The following SUCLA2 variants were observed in gnomAD, a reference collection of about 807,000 sequenced individuals.
SUCLA2 encodes succinate--CoA ligase [ADP-forming] subunit beta, mitochondrial.
SUCLA2 carries 30 observed loss-of-function variants against 54.8 expected under a neutral mutation model. The ratio of observed to expected loss-of-function variants is 0.55; its 90% CI spans 0.41 to 0.74. The LOEUF (loss-of-function observed/expected upper bound fraction) is 0.74, where lower values mean the gene tolerates loss of function less well. SUCLA2 is among the 30% of genes least tolerant of loss of function. SUCLA2 has a pLI of 0.00. For synonymous variants in SUCLA2, 172 were observed against 188.9 expected, an observed-to-expected ratio of 0.91 and a Z score of 0.74; for missense variants, 476 against 562.9, an observed-to-expected ratio of 0.85 and a Z score of 1.56.
intron 4 of SUCLA2, among the ~76,000 whole-genome samples, chr13:47,974,086 A>AT (rs1408676224): frequency 1.9e-5 from 1 of 52,190 alleles, no homozygotes; most frequent in African/African-American, 4.6e-5. Flanking sequence ...TTAAAGTATA[A>AT]TTAAAAAAAA....
chr13:47,977,038 T>C (rs1190240882), intron 4 of SUCLA2, among the ~76,000 whole-genome samples: 1 of 148,758 alleles, frequency 6.7e-6, no homozygotes, highest in Non-Finnish European at 1.5e-5. Context: ...TATTGGCTCA[T>C]TGAAAAAGTG....
intron 2 of SUCLA2, among the ~76,000 whole-genome samples, chr13:47,995,844 T>C (rs1265678005): frequency 2.6e-5 from 4 of 151,836 alleles, no homozygotes; most frequent in Non-Finnish European, 5.9e-5. Flanking sequence ...CAAAAATTAT[T>C]TTTTGATTAA....
At chr13:47,986,299 G>A (rs996619698) in intron 4 of SUCLA2, among the ~76,000 whole-genome samples, 3 of 152,132 alleles carry the variant, frequency 2.0e-5, no homozygotes, top group African/African-American at 7.2e-5. Context: ...CCAAAGTGCT[G>A]GGATTACAGG....
intron 6 of SUCLA2, among the ~76,000 whole-genome samples, 176 bp from the exon 7 acceptor site, chr13:47,954,733 G>C (rs1391746337): frequency 6.6e-6 from 1 of 152,008 alleles, no homozygotes; most frequent in Non-Finnish European, 1.5e-5. Context: ...AAGAATATTT[G>C]GGAATTAAAA....
intron 2 of SUCLA2, among the ~76,000 whole-genome samples, chr13:47,993,729 CTGAGT>C (rs1950168650): frequency 6.6e-6 from 1 of 152,136 alleles, no homozygotes; most frequent in South Asian, 2.1e-4. Flanking sequence ...GAGCAAAGCG[CTGAGT>C]TAAGAGTTTT....
intron 6 of SUCLA2, among the ~76,000 whole-genome samples, chr13:47,963,581 G>C (rs575219901): frequency 6.6e-6 from 1 of 152,036 alleles, no homozygotes; most frequent in African/African-American, 2.4e-5. Flanking sequence ...GGAGGCGGAG[G>C]TTGCAGTGAG....
Position 47,997,038 on chromosome 13 carries a change from G to A in SUCLA2, c.91-15C>T. Reference sequence around the variant, plus strand: ...CTTCCCAGAACCTAGAAAGATTGGGGACATATTTATATATGACAGTGATTT... The same window carrying A: ...CTTCCCAGAACCTAGAAAGATTGGGAACATATTTATATATGACAGTGATTT... On this transcript the variant is annotated splice_polypyrimidine_tract_variant and intron_variant, in intron 1 of 10. Coordinates refer to ENST00000646932, the MANE Select transcript of SUCLA2 (RefSeq NM_003850.3). 3 of 1,613,882 alleles carry A rather than the reference G, an allele frequency of 1.9e-6. No homozygotes were observed. The highest frequency in any genetic ancestry group is 2.5e-6 in the Non-Finnish European group (3 of 1,179,912).
chr13:47,957,408 C>T (rs552424928), intron 6 of SUCLA2, among the ~76,000 whole-genome samples: 1 of 152,244 alleles, frequency 6.6e-6, no homozygotes, highest in East Asian at 1.9e-4. Flanking sequence ...TTGCTTGTGA[C>T]TCAGCTGATG....
chr13:47,970,754 G>A (rs1013463269), intron 5 of SUCLA2, among the ~76,000 whole-genome samples: 3 of 152,126 alleles, frequency 2.0e-5, no homozygotes, highest in Admixed American at 1.3e-4. Context: ...CAGCTACCTG[G>A]GAAGCTGAGG....
chr13:47,979,292 T>C (rs1950042730), intron 4 of SUCLA2, among the ~76,000 whole-genome samples: 1 of 152,162 alleles, frequency 6.6e-6, no homozygotes, highest in Non-Finnish European at 1.5e-5. Flanking sequence ...ATATACACCA[T>C]GGAATACTAT....
chr13:47,973,308 G>T lies in SUCLA2; in HGVS notation c.619C>A (p.Pro207Thr), dbSNP rs1290474374. Reference sequence around the variant, plus strand: ...TTGATGCCTTCTTCAATATCAATAGGTTCTTTAATTATTGCTTCAGGAGAC... The same window carrying T: ...TTGATGCCTTCTTCAATATCAATAGTTTCTTTAATTATTGCTTCAGGAGAC... ...AESPEAIIKEPIDIEEGIKKE... is the reference protein window; with the variant it reads ...AESPEAIIKETIDIEEGIKKE... Residue 207 changes from proline (P) to threonine (T), a missense_variant, in exon 5 of 11, where the codon CCT becomes ACT. Physicochemically the swap from Pro to Thr is conservative, Grantham distance 38. Around this residue, in one of 2 missense-constraint regions of SUCLA2, gnomAD observed 342 missense variants for 444.2 expected, o/e 0.77. Coordinates refer to ENST00000646932, the MANE Select transcript of SUCLA2 (RefSeq NM_003850.3). The T allele has an allele frequency of 6.2e-7, 1 of 1,613,250 alleles. No homozygotes were observed. The highest frequency in any genetic ancestry group is 2.2e-5 in the East Asian group (1 of 44,840).
At chr13:47,984,219 A>G (rs1449185569) in intron 4 of SUCLA2, among the ~76,000 whole-genome samples, 2 of 151,254 alleles carry the variant, frequency 1.3e-5, no homozygotes, top group African/African-American at 4.9e-5. Flanking sequence ...ATTTTGACAC[A>G]GTCTCACTCT....
chr13:47,982,151 T>G (rs1004220366), intron 4 of SUCLA2, among the ~76,000 whole-genome samples: 2 of 152,214 alleles, frequency 1.3e-5, no homozygotes, highest in Non-Finnish European at 2.9e-5. Flanking sequence ...TGAACATCTA[T>G]GTTCACTGTA....
chr13:48,001,258 G>T lies in SUCLA2; in HGVS notation c.12C>A (p.Ser4=). Residue 4 remains serine, a synonymous_variant, in exon 1 of 11, where the codon TCC becomes TCA. Coordinates refer to ENST00000646932, the MANE Select transcript of SUCLA2 (RefSeq NM_003850.3). MAA[S]MFYGRLVAVA... ...CGGCCACTAGCCTGCCGTAGAACAT[G>T]GAGGCCGCCATTTCTGAGTCGGACC... 6.2e-7 allele frequency: 1 copy of T among 1,603,242 alleles called. No homozygotes were observed. Among genetic ancestry groups the T allele is most frequent in the Non-Finnish European group, 8.5e-7 (1 of 1,175,640 alleles).
intron 2 of SUCLA2, among the ~76,000 whole-genome samples, chr13:47,993,375 T>C (rs996274264): frequency 6.6e-6 from 1 of 152,252 alleles, no homozygotes; most frequent in African/African-American, 2.4e-5. Flanking sequence ...ATCCCTTTGA[T>C]AATCTATTCC....
rs1949825387 is a variant in SUCLA2 at position 47,956,846 on chromosome 13, AT to A, written c.803-2290del. The A allele has an allele frequency of 4.6e-5, 7 of 152,326 alleles. No homozygotes were observed. The South Asian group carries it at 1.5e-3, about 32-fold the overall frequency. 9.4% of individuals were successfully genotyped at this position (152,326 alleles called of 1,614,324 possible). A position where few individuals can be genotyped will look rare whatever the true frequency, so the allele number is the denominator to read the frequency against. On this transcript the variant is annotated intron_variant, in intron 6 of 10. Coordinates refer to ENST00000646932, the MANE Select transcript of SUCLA2 (RefSeq NM_003850.3). ...AACAAAAAAATCAACCTACCCTAAA[AT>A]GTCAATAGTGCCAATGTTGGTAAAT... is the stretch of plus-strand genomic sequence containing the variant.
intron 6 of SUCLA2, among the ~76,000 whole-genome samples, chr13:47,965,068 A>G (rs972045465): frequency 2.4e-4 from 37 of 151,942 alleles, no homozygotes; most frequent in Non-Finnish European, 4.1e-4. Context: ...GTAACAAAAT[A>G]AGGATTAAAA....
In SUCLA2 at chr13:47,968,349, C is replaced by T. The variant is rs78408381; in HGVS notation, c.802+246G>A. Among the ~76,000 whole-genome samples the T allele has an allele frequency of 0.063, 9,586 of 152,136 alleles. 357 individuals are homozygous for T. The highest frequency in any genetic ancestry group is 0.095 in the Middle Eastern group (28 of 294). ...GTCACTGTATTGGACAGTACAGTTC[C>T]GACCCCTCTGTGCACGTCTCTATAA... On this transcript the variant is annotated intron_variant, in intron 6 of 10. Transcript: ENST00000646932.
At chr13:47,953,842 T>C (rs1476084545) in intron 8 of SUCLA2, among the ~76,000 whole-genome samples, 4 of 152,138 alleles carry the variant, frequency 2.6e-5, no homozygotes, top group Non-Finnish European at 5.9e-5. Context: ...AATATATATG[T>C]CTTTTGAATT....
Sources: gnomAD v4.1 joint callset for allele counts (sites outside exome capture counted in the v4.1 genomes callset) on GRCh38, gnomAD v4.1.1 for gene constraint, gnomAD v4.1.1 regional missense constraint, MANE v1.5 for transcripts, NCBI Gene and HGNC (gene_info 2026-07-23, HGNC 2026-07-21) for gene names.